Variants in KMT2E observed in about 807,000 individuals in gnomAD.
KMT2E encodes histone reader KMT2E.
Under a neutral mutation model 184.6 loss-of-function variants are expected in KMT2E, and 30 were observed. The observed-to-expected ratio is 0.16, with a 90% confidence interval of 0.12 to 0.22. The LOEUF (loss-of-function observed/expected upper bound fraction) is 0.22, where lower values mean the gene tolerates loss of function less well. KMT2E is among the 10% of genes least tolerant of loss of function. The pLI is 1.00. For synonymous variants in KMT2E, 815 were observed against 776.5 expected, an observed-to-expected ratio of 1.05 and a Z score of -0.82; for missense variants, 2,023 against 2,237.4, an observed-to-expected ratio of 0.90 and a Z score of 1.93.
chr7:105,055,926 T>A (rs930645814), intron 3 of KMT2E, among the ~76,000 whole-genome samples: 15 of 151,958 alleles, frequency 9.9e-5, no homozygotes, highest in Non-Finnish European at 1.3e-4. Flanking sequence ...TTTTTTTTTT[T>A]ATTTCCAGCA....
chr7:105,064,149 C>A (rs566399799), intron 5 of KMT2E: 64 of 100,440 alleles, frequency 6.4e-4, no homozygotes, highest in East Asian at 1.6e-3. Context: ...GGTTTTGTAT[C>A]ATTTTTTTTT....
Position 105,102,385 on chromosome 7 carries a change from TAA to T in KMT2E, c.2196+193_2196+194del, listed in dbSNP as rs1334816829. On this transcript the variant is annotated intron_variant, in intron 17 of 26. Transcript: ENST00000311117. ...ATAAATGTTTGCATTACTGTGAAGA[TAA>T]AGTTACATTCAGTTTATCAGGACTT... 3 of 462,992 alleles carry T rather than the reference TAA, an allele frequency of 6.5e-6. No individual in the cohort carries two copies. The South Asian group carries it at 1.0e-4, about 16-fold the overall frequency. The allele number at this position is 462,992 out of a possible 1,614,324, so 28.7% of individuals were successfully genotyped here. A position where few individuals can be genotyped will look rare whatever the true frequency, so the allele number is the denominator to read the frequency against.
At chr7:105,097,807 A>G (rs892865789) in intron 15 of KMT2E, among the ~76,000 whole-genome samples, 5 of 152,240 alleles carry the variant, frequency 3.3e-5, no homozygotes, top group African/African-American at 1.2e-4. Flanking sequence ...CATGTCTTTA[A>G]GTAACGTGAT....
Position 105,112,930 on chromosome 7 carries a change from G to A in KMT2E, c.5174G>A (p.Ser1725Asn). Residue 1725 changes from serine to asparagine, a missense_variant, in exon 27 of 27, where the codon AGT becomes AAT. By Grantham distance (46) the Ser-to-Asn change is conservative (BLOSUM62 1). Around this residue, in one of 8 missense-constraint regions of KMT2E, gnomAD observed 1,108 missense variants for 1,050.9 expected, o/e 1.05. Coordinates refer to ENST00000311117, the MANE Select transcript of KMT2E (RefSeq NM_182931.3). ...CCACCCCCTCCGCCGCCACCTTCCA[G>A]TGTTTTGGCTTCTGGGCATCATACC... ...PPPPPPPPPSSVLASGHHTTS... is the reference protein window; with the variant it reads ...PPPPPPPPPSNVLASGHHTTS... The A allele has an allele frequency of 6.2e-7, 1 of 1,613,686 alleles. No homozygotes were observed. The highest frequency in any genetic ancestry group is 2.2e-5 in the East Asian group (1 of 44,866).
chr7:105,035,174 A>G (rs1018885908), intron 1 of KMT2E, among the ~76,000 whole-genome samples: 6 of 148,902 alleles, frequency 4.0e-5, no homozygotes, highest in African/African-American at 1.5e-4. Flanking sequence ...ACAGGCGCCC[A>G]CCACCAAGCC....
chr7:105,054,702 C>T (rs901565359), intron 3 of KMT2E, among the ~76,000 whole-genome samples: 2 of 152,102 alleles, frequency 1.3e-5, no homozygotes, highest in African/African-American at 4.8e-5. Flanking sequence ...TTAGTAGAGT[C>T]AGGGTTTCAC....
chr7:105,036,132 T>C (rs1795642491), intron 1 of KMT2E, among the ~76,000 whole-genome samples: 1 of 151,868 alleles, frequency 6.6e-6, no homozygotes, highest in Non-Finnish European at 1.5e-5. Flanking sequence ...ATTTTACCTA[T>C]CATCTGGCAG....
chr7:105,061,498 T>G (rs1431207592), intron 3 of KMT2E, among the ~76,000 whole-genome samples: 2 of 151,962 alleles, frequency 1.3e-5, no homozygotes, highest in Non-Finnish European at 2.9e-5. Context: ...TTGGTAAGAG[T>G]AAAGAAGTTG....
intron 3 of KMT2E, among the ~76,000 whole-genome samples, chr7:105,059,335 T>C (rs1353045421): frequency 6.6e-6 from 1 of 152,224 alleles, no homozygotes; most frequent in East Asian, 1.9e-4. Flanking sequence ...TGCATGTTGC[T>C]TTAATAATAG....
At chr7:105,035,173 C>T (rs1471879849) in intron 1 of KMT2E, among the ~76,000 whole-genome samples, 3 of 151,464 alleles carry the variant, frequency 2.0e-5, no homozygotes, top group East Asian at 1.9e-4. Flanking sequence ...TACAGGCGCC[C>T]ACCACCAAGC....
intron 1 of KMT2E, among the ~76,000 whole-genome samples, chr7:105,033,896 TGAAAAAG>T (rs1795528249): frequency 6.6e-6 from 1 of 152,064 alleles, no homozygotes; most frequent in African/African-American, 2.4e-5. Flanking sequence ...TGGGCACGTG[TGAAAAAG>T]CAGAACTCAA....
At chr7:105,038,672 G>GT (rs1249799919) in intron 2 of KMT2E, 1 of 151,956 alleles carries the variant, frequency 6.6e-6, no homozygotes. Flanking sequence ...GTTTTTGACT[G>GT]TTTTTTAAAC....
chr7:105,102,192 A>C lies in KMT2E; in HGVS notation c.2194A>C (p.Lys732Gln). ...TCCTACCAAGTACCCCAAAACAAAGAAGGTATGATTCTAATGAATGTAAGA... is the reference window on the plus strand; with the variant it reads ...TCCTACCAAGTACCCCAAAACAAAGCAGGTATGATTCTAATGAATGTAAGA... ...KCPTKYPKTKKHLVNEWLSEK... is the reference protein window; with the variant it reads ...KCPTKYPKTKQHLVNEWLSEK... The change falls in exon 17 of 27, where the codon AAG becomes CAG. Residue 732 changes from lysine to glutamine, a missense_variant and splice_region_variant. Physicochemically the swap from Lys to Gln is moderately conservative, Grantham distance 53. Transcript: ENST00000311117. The C allele has an allele frequency of 6.3e-7, 1 of 1,596,774 alleles. No individual in the cohort carries two copies. Among genetic ancestry groups the C allele is most frequent in the South Asian group, 1.1e-5 (1 of 87,042 alleles).
Position 105,091,329 on chromosome 7 carries a change from C to T in KMT2E, c.1722+15C>T. 6.7e-7 allele frequency: 1 copy of T among 1,487,710 alleles called. No homozygotes were observed. The highest frequency in any genetic ancestry group is 9.4e-7 in the Non-Finnish European group (1 of 1,065,412). 92.2% of individuals were successfully genotyped at this position (1,487,710 alleles called of 1,614,324 possible). On this transcript the variant is annotated intron_variant, in intron 15 of 26. Transcript: ENST00000311117. ...AAAGGAAGATGGTAAGTTGGGAAGC[C>T]AGTAGTTTGGGCTTAGTGACAGCTG...
At chr7:105,036,044 A>G (rs542971675) in intron 1 of KMT2E, among the ~76,000 whole-genome samples, 1 of 152,174 alleles carries the variant, frequency 6.6e-6, no homozygotes, top group African/African-American at 2.4e-5. Flanking sequence ...GGAGTGAGAT[A>G]CTTAAGTATT....
In KMT2E at chr7:105,107,348, T is replaced by TA. The variant is rs763206421; in HGVS notation, c.2905-12dup. 1.9e-6 allele frequency: 3 copies of TA among 1,547,070 alleles called. No individual in the cohort carries two copies. The East Asian group carries it at 6.8e-5, about 35-fold the overall frequency. ...TGATTATTTGTGTAATTTTTTTTTT[T>TA]AATTTGTAAACAGGGATATGACAGA... On this transcript the variant is annotated splice_polypyrimidine_tract_variant and intron_variant, in intron 21 of 26. Coordinates refer to ENST00000311117, the MANE Select transcript of KMT2E (RefSeq NM_182931.3).
chr7:105,073,399 GAAA>G (rs35148101), intron 6 of KMT2E, among the ~76,000 whole-genome samples: 15 of 112,438 alleles, frequency 1.3e-4, no homozygotes, highest in African/African-American at 4.7e-4. Flanking sequence ...CCTGTCTGGG[GAAA>G]AAAAAAAAAA....
intron 25 of KMT2E, 50 bp from the exon 26 acceptor site, chr7:105,110,721 G>A: frequency 6.3e-7 from 1 of 1,582,102 alleles, no homozygotes; most frequent in Non-Finnish European, 8.7e-7. Flanking sequence ...TGTTAAAACA[G>A]TGTTTATTGT....
At chr7:105,101,658 T>A in intron 16 of KMT2E, 69 bp downstream of exon 16, 1 of 1,269,252 alleles carries the variant, frequency 7.9e-7, no homozygotes, top group Non-Finnish European at 1.0e-6. Context: ...TTGCATTAAT[T>A]ACTTATAAGG....
Sources: allele counts gnomAD v4.1 joint callset (sites outside exome capture counted in the v4.1 genomes callset), GRCh38; gene constraint gnomAD v4.1.1; regional missense constraint gnomAD v4.1.1; transcripts MANE v1.5; gene names NCBI Gene and HGNC (gene_info 2026-07-23, HGNC 2026-07-21).